Variants in RANBP17 observed in about 807,000 individuals in gnomAD.
RANBP17 encodes the protein ran-binding protein 17.
A neutral mutation model predicts 141.2 loss-of-function variants in RANBP17; 158 were observed. That is an observed-to-expected ratio of 1.12 (90% CI 0.98 to 1.28). RANBP17 has a LOEUF of 1.28. Ranked by LOEUF, RANBP17 falls within the 50% of genes most tolerant of loss-of-function variation. The pLI, the probability that RANBP17 is intolerant of heterozygous loss-of-function variation, is 0.00. For synonymous variants in RANBP17, 430 were observed against 450.0 expected (o/e 0.96, Z 0.56); for missense variants, 1,438 against 1,290.7 (o/e 1.11, Z -1.75).
At chr5:171,293,605 C>A (rs1768637414) in intron 25 of RANBP17, among the ~76,000 whole-genome samples, 1 of 152,204 alleles carries the variant, frequency 6.6e-6, no homozygotes, top group African/African-American at 2.4e-5. Context: ...AGGGACTGAT[C>A]ATCTTGGCCC....
At position 171,089,091 on chromosome 5, in the gene RANBP17, G is replaced by A. The variant is rs569137505; in HGVS notation, c.1711-81039G>A. Among the ~76,000 whole-genome samples, 239 of 148,904 alleles carry A rather than the reference G, an allele frequency of 1.6e-3. 1 individual carries two copies. The highest frequency in any genetic ancestry group is 5.0e-3 in the African/African-American group (204 of 41,134). On this transcript the variant is annotated intron_variant, in intron 14 of 27. Transcript: ENST00000523189. ...GCTCTGTTTTTTCCCCATCTTTGTG[G>A]TTTTATCTACTTTTGGTCTTTGATG...
intron 14 of RANBP17, among the ~76,000 whole-genome samples, chr5:170,998,430 C>T (rs1778978956): frequency 6.6e-6 from 1 of 152,022 alleles, no homozygotes; most frequent in African/African-American, 2.4e-5. Context: ...GAGGCTTATC[C>T]GTGTAAAATT....
At chr5:170,897,064 AG>A in intron 5 of RANBP17, 2 of 857,350 alleles carry the variant, frequency 2.3e-6, no homozygotes, top group South Asian at 2.6e-5. Flanking sequence ...CAGCTTCCTT[AG>A]AAATGTGGAT....
chr5:171,182,418 T>C (rs1760917956), intron 16 of RANBP17, among the ~76,000 whole-genome samples: 1 of 152,206 alleles, frequency 6.6e-6, no homozygotes, highest in South Asian at 2.1e-4. Context: ...CAGATGATAA[T>C]GTGGTACAGC....
At chr5:171,098,480 C>A (rs116100508) in intron 14 of RANBP17, among the ~76,000 whole-genome samples, 1 of 151,736 alleles carries the variant, frequency 6.6e-6, no homozygotes, top group Non-Finnish European at 1.5e-5. Flanking sequence ...TTTTTGATAG[C>A]GTTGTTCATT....
chr5:171,005,063 C>G (rs887874355), intron 14 of RANBP17, among the ~76,000 whole-genome samples: 2 of 152,104 alleles, frequency 1.3e-5, no homozygotes, highest in East Asian at 3.9e-4. Context: ...GGTTTGAGGG[C>G]CGGATTCCAA....
chr5:171,277,565 GA>G lies in RANBP17; in HGVS notation c.2943+11728del, dbSNP rs532053667. On this transcript the variant is annotated intron_variant, in intron 25 of 27. Coordinates refer to ENST00000523189, the MANE Select transcript of RANBP17 (RefSeq NM_022897.5). ...GAATTTTAATAAGAATGATTATGAT[GA>G]AAAAAAAAACCACTAGAATCAATTA... Among the ~76,000 whole-genome samples the G allele has an allele frequency of 1.9e-3, 233 of 124,466 alleles. 8 individuals are homozygous for G. The South Asian group carries it at 0.043, about 23-fold the overall frequency. 81.7% of individuals were successfully genotyped at this position (124,466 alleles called of 152,430 possible). A position where few individuals can be genotyped will look rare whatever the true frequency, so the allele number is the denominator to read the frequency against.
At chr5:171,274,584 T>C (rs1428135479) in intron 25 of RANBP17, among the ~76,000 whole-genome samples, 5 of 152,202 alleles carry the variant, frequency 3.3e-5, no homozygotes, top group African/African-American at 1.2e-4. Flanking sequence ...GATTTATAAG[T>C]CATCAAATTA....
At chr5:171,031,210 A>G (rs1024785033) in intron 14 of RANBP17, among the ~76,000 whole-genome samples, 1 of 152,026 alleles carries the variant, frequency 6.6e-6, no homozygotes, top group Non-Finnish European at 1.5e-5. Context: ...TAGCATTTTC[A>G]TTCTATACCA....
intron 14 of RANBP17, among the ~76,000 whole-genome samples, chr5:171,045,758 A>G (rs76254570): frequency 0.026 from 4,025 of 152,248 alleles, 162 homozygotes; most frequent in African/African-American, 0.091. Context: ...GTTTTAACCC[A>G]AGTATATATT....
intron 14 of RANBP17, among the ~76,000 whole-genome samples, chr5:171,060,463 A>G (rs1233324040): frequency 1.3e-5 from 2 of 151,700 alleles, no homozygotes; most frequent in African/African-American, 4.8e-5. Context: ...GCTGGATTAC[A>G]TTTATTGATT....
At chr5:170,986,633 C>T (rs375832924) in intron 14 of RANBP17, among the ~76,000 whole-genome samples, 2 of 151,804 alleles carry the variant, frequency 1.3e-5, no homozygotes, top group Non-Finnish European at 1.5e-5. Context: ...GATAAGTTCT[C>T]ATTGATGTAT....
intron 13 of RANBP17, among the ~76,000 whole-genome samples, chr5:170,965,670 T>G (rs533683846): frequency 9.2e-5 from 14 of 152,248 alleles, no homozygotes; most frequent in African/African-American, 2.2e-4. Context: ...TTTCCCCATT[T>G]CTTGTTTTTC....
chr5:170,994,851 C>T lies in RANBP17; in HGVS notation c.1710+26474C>T, dbSNP rs189452116. 7.9e-5 allele frequency among the ~76,000 whole-genome samples: 12 copies of T among 152,070 alleles called. No individual in the cohort carries two copies. The South Asian group carries it at 1.0e-3, about 13-fold the overall frequency. On this transcript the variant is annotated intron_variant, in intron 14 of 27. Coordinates refer to ENST00000523189, the MANE Select transcript of RANBP17 (RefSeq NM_022897.5). ...TTCACTTTTTACTTTTTGACCATGA[C>T]GTTGTTGGATTTATTCTAAAGGGAT...
At chr5:170,957,372 A>G (rs574929960) in intron 13 of RANBP17, among the ~76,000 whole-genome samples, 1 of 152,120 alleles carries the variant, frequency 6.6e-6, no homozygotes, top group Non-Finnish European at 1.5e-5. Context: ...AAGTGAGACA[A>G]TAAGAGAAAA....
chr5:171,227,650 T>C (rs1763958047), intron 22 of RANBP17, among the ~76,000 whole-genome samples: 1 of 152,182 alleles, frequency 6.6e-6, no homozygotes, highest in Admixed American at 6.5e-5. Context: ...CAAAATGCTA[T>C]TGGAAGAAGA....
At chr5:171,269,240 C>T (rs907344416) in intron 25 of RANBP17, among the ~76,000 whole-genome samples, 2 of 152,158 alleles carry the variant, frequency 1.3e-5, no homozygotes, top group Non-Finnish European at 2.9e-5. Context: ...TTCTTATGCA[C>T]AGTTTCTGTC....
intron 25 of RANBP17, among the ~76,000 whole-genome samples, chr5:171,280,581 A>T (rs935129653): frequency 2.7e-4 from 41 of 152,170 alleles, no homozygotes; most frequent in Non-Finnish European, 2.9e-4. Flanking sequence ...GCCTTAACTC[A>T]TGGAAAGTTT....
At chr5:171,092,533 A>G (rs1786375485) in intron 14 of RANBP17, among the ~76,000 whole-genome samples, 1 of 152,242 alleles carries the variant, frequency 6.6e-6, no homozygotes, top group Non-Finnish European at 1.5e-5. Flanking sequence ...GTATAAGACT[A>G]TGCCTCCAGT....
Sources: allele counts gnomAD v4.1 joint callset (sites outside exome capture counted in the v4.1 genomes callset), GRCh38; gene constraint gnomAD v4.1.1; transcripts MANE v1.5; gene names NCBI Gene and HGNC (gene_info 2026-07-23, HGNC 2026-07-21).